The following HS6ST3 variants were observed in gnomAD, a reference collection of about 807,000 sequenced individuals.
HS6ST3 encodes heparan-sulfate 6-O-sulfotransferase 3.
A neutral mutation model predicts 36.7 loss-of-function variants in HS6ST3; 12 were observed. The observed-to-expected ratio is 0.33, with a 90% CI of 0.21 to 0.53. The LOEUF is 0.53. HS6ST3 is among the 20% of genes least tolerant of loss of function. The pLI, the probability that HS6ST3 is intolerant of heterozygous loss-of-function variation, is 0.95. For missense variants in HS6ST3, 584 were observed against 640.9 expected, an observed-to-expected ratio of 0.91 and a Z score of 0.96; for synonymous variants, 240 against 257.5, an observed-to-expected ratio of 0.93 and a Z score of 0.65.
At chr13:96,709,552 A>G (rs1193359503) in intron 1 of HS6ST3, among the ~76,000 whole-genome samples, 4 of 152,144 alleles carry the variant, frequency 2.6e-5, no homozygotes, top group Non-Finnish European at 5.9e-5. Flanking sequence ...TGGAGTCTTC[A>G]TGAATGGGAT....
intron 1 of HS6ST3, among the ~76,000 whole-genome samples, chr13:96,709,605 C>G (rs778977880): frequency 7.9e-5 from 12 of 152,150 alleles, no homozygotes; most frequent in Non-Finnish European, 1.5e-4. Context: ...TGATTTCTCT[C>G]TCCTCCATGT....
intron 1 of HS6ST3, among the ~76,000 whole-genome samples, chr13:96,140,834 T>A: frequency 6.6e-6 from 1 of 152,006 alleles, no homozygotes; most frequent in South Asian, 2.1e-4. Flanking sequence ...AAAATTGAGA[T>A]CATTACGTGA....
At chr13:96,405,170 G>A (rs780686479) in intron 1 of HS6ST3, among the ~76,000 whole-genome samples, 96 of 152,268 alleles carry the variant, frequency 6.3e-4, no homozygotes, top group Non-Finnish European at 6.9e-4. Flanking sequence ...TAATACAGCA[G>A]GGGATCACCA....
At chr13:96,278,488 G>T (rs1259063089) in intron 1 of HS6ST3, among the ~76,000 whole-genome samples, 1 of 152,214 alleles carries the variant, frequency 6.6e-6, no homozygotes, top group Admixed American at 6.5e-5. Flanking sequence ...AATAGGAAAA[G>T]CCAAGAGCTA....
intron 1 of HS6ST3, among the ~76,000 whole-genome samples, chr13:96,332,650 G>T (rs2055077558): frequency 6.6e-6 from 1 of 152,192 alleles, no homozygotes. Flanking sequence ...TGCTCAATCT[G>T]TGAATCTTGA....
At chr13:96,348,628 A>G (rs1197106825) in intron 1 of HS6ST3, among the ~76,000 whole-genome samples, 1 of 152,174 alleles carries the variant, frequency 6.6e-6, no homozygotes, top group Non-Finnish European at 1.5e-5. Context: ...GAGGTACTTG[A>G]GCTTGTTTTT....
At chr13:96,747,733 G>A (rs369286255) in intron 1 of HS6ST3, among the ~76,000 whole-genome samples, 5 of 152,016 alleles carry the variant, frequency 3.3e-5, no homozygotes, top group African/African-American at 1.2e-4. Flanking sequence ...TTTGTAGTGA[G>A]GCAGTTCTGG....
chr13:96,830,055 T>G (rs1002143991), intron 1 of HS6ST3, among the ~76,000 whole-genome samples: 1 of 151,816 alleles, frequency 6.6e-6, no homozygotes, highest in Non-Finnish European at 1.5e-5. Flanking sequence ...ACCATTCTGT[T>G]TTTTTTTTCA....
At chr13:96,355,059 T>C (rs979814712) in intron 1 of HS6ST3, among the ~76,000 whole-genome samples, 1 of 152,140 alleles carries the variant, frequency 6.6e-6, no homozygotes, top group African/African-American at 2.4e-5. Flanking sequence ...ATGAAGCAGA[T>C]ATAAATGGTC....
chr13:96,830,797 G>C (rs1878761934), intron 1 of HS6ST3, among the ~76,000 whole-genome samples: 1 of 152,088 alleles, frequency 6.6e-6, no homozygotes, highest in Non-Finnish European at 1.5e-5. Flanking sequence ...TTCTCCCTAG[G>C]GGAGCTCTGA....
At chr13:96,431,881 A>G (rs777872190) in intron 1 of HS6ST3, among the ~76,000 whole-genome samples, 3 of 152,202 alleles carry the variant, frequency 2.0e-5, no homozygotes, top group Non-Finnish European at 2.9e-5. Context: ...TTTGTTTTAT[A>G]TAGTCATAAC....
At chr13:96,799,273 T>C (rs1407999185) in intron 1 of HS6ST3, among the ~76,000 whole-genome samples, 1 of 152,094 alleles carries the variant, frequency 6.6e-6, no homozygotes, top group Non-Finnish European at 1.5e-5. Flanking sequence ...CCAGCACCTG[T>C]TGTTTCCTGA....
intron 1 of HS6ST3, among the ~76,000 whole-genome samples, chr13:96,782,401 T>G (rs576176194): frequency 1.3e-5 from 2 of 152,280 alleles, no homozygotes; most frequent in East Asian, 3.9e-4. Flanking sequence ...GACTCTTTCC[T>G]TGCATATGGG....
chr13:96,786,228 C>T (rs1701169929), intron 1 of HS6ST3, among the ~76,000 whole-genome samples: 1 of 152,170 alleles, frequency 6.6e-6, no homozygotes, highest in South Asian at 2.1e-4. Flanking sequence ...TGTCATCCTT[C>T]AGATCTCAAA....
At chr13:96,647,142 C>T (rs1257246116) in intron 1 of HS6ST3, among the ~76,000 whole-genome samples, 1 of 151,764 alleles carries the variant, frequency 6.6e-6, no homozygotes, top group Non-Finnish European at 1.5e-5. Context: ...TAATTCAGCC[C>T]AAAGCAAATC....
At chr13:96,225,465 T>G (rs183308109) in intron 1 of HS6ST3, among the ~76,000 whole-genome samples, 88 of 152,344 alleles carry the variant, frequency 5.8e-4, no homozygotes, top group African/African-American at 2.0e-3. Context: ...TCATCTTACT[T>G]TGGAATATTT....
chr13:96,524,107 C>G (rs1355253685), intron 1 of HS6ST3, among the ~76,000 whole-genome samples: 2 of 152,200 alleles, frequency 1.3e-5, no homozygotes, highest in Non-Finnish European at 2.9e-5. Flanking sequence ...TTCCTTCTAA[C>G]AGGCCCCTCA....
chr13:96,200,027 G>T (rs192961677), intron 1 of HS6ST3, among the ~76,000 whole-genome samples: 1 of 152,258 alleles, frequency 6.6e-6, no homozygotes, highest in African/African-American at 2.4e-5. Context: ...CAAATAGAAT[G>T]TCTTCAAGAA....
intron 1 of HS6ST3, among the ~76,000 whole-genome samples, chr13:96,726,574 A>G (rs1876010879): frequency 6.6e-6 from 1 of 152,222 alleles, no homozygotes. Flanking sequence ...TAACCTTACT[A>G]AACTAAGTTA....
Sources: allele counts gnomAD v4.1 joint callset (sites outside exome capture counted in the v4.1 genomes callset), GRCh38; gene constraint gnomAD v4.1.1; transcripts MANE v1.5; gene names NCBI Gene and HGNC (gene_info 2026-07-23, HGNC 2026-07-21).